NEB: variants seen among roughly 807,000 people sequenced by gnomAD.
NEB encodes nebulin, also known as nemaline myopathy type 2.
NEB carries 512 observed loss-of-function variants against 952.2 expected under a neutral mutation model. The observed-to-expected ratio is 0.54, with a 90% CI of 0.50 to 0.58. The LOEUF (loss-of-function observed/expected upper bound fraction) is 0.58, where lower values mean the gene tolerates loss of function less well. Among genes scored for constraint, NEB ranks in the 20% least tolerant of loss-of-function variants. The pLI is 0.00. For missense variants in NEB, 8,428 were observed against 9,231.1 expected, an observed-to-expected ratio of 0.91 and a Z score of 3.56; for synonymous variants, 2,900 against 3,149.8, an observed-to-expected ratio of 0.92 and a Z score of 2.66.
At chr2:151,540,164 T>C (rs2093843381) in intron 138 of NEB, among the ~76,000 whole-genome samples, 180 bp downstream of exon 138, 1 of 152,166 alleles carries the variant, frequency 6.6e-6, no homozygotes. Context: ...CTGGTATCTC[T>C]CAGCTATTTT....
chr2:151,671,463 T>TA (rs760103247), intron 37 of NEB: 18 of 449,256 alleles, frequency 4.0e-5, no homozygotes, highest in South Asian at 9.8e-5. Context: ...TGGGTACTGC[T>TA]AAAAAAAATT....
At chr2:151,490,120 T>C (rs2055026820) in intron 180 of NEB, 43 bp from the exon 181 acceptor site, 50 of 1,447,240 alleles carry the variant, frequency 3.5e-5, no homozygotes, top group Non-Finnish European at 4.6e-5. Flanking sequence ...GAAAAATGGC[T>C]AGGTATCCTT....
intron 20 of NEB, among the ~76,000 whole-genome samples, chr2:151,693,070 G>A (rs887356817): frequency 1.3e-5 from 2 of 152,190 alleles, no homozygotes; most frequent in Admixed American, 1.3e-4. Context: ...TCCTGGAAGA[G>A]TATTCTGTTG....
Position 151,514,933 on chromosome 2 carries a change from T to TGTAA in NEB, c.22906-9_22906-6dup. The TGTAA allele has an allele frequency of 6.5e-7, 1 of 1,527,330 alleles. No homozygotes were observed. Among genetic ancestry groups the TGTAA allele is most frequent in the Admixed American group, 1.9e-5 (1 of 51,718 alleles). The allele number at this position is 1,527,330 out of a possible 1,614,324, so 94.6% of individuals were successfully genotyped here. ...ATAATCTTTCCTATATTCTTTCTAA[T>TGTAA]GTAAGTAGGAAGGAAAGACAAGTTA... On this transcript the variant is annotated splice_region_variant and splice_polypyrimidine_tract_variant and intron_variant, in intron 157 of 181. Coordinates refer to ENST00000397345, the MANE Select transcript of NEB (RefSeq NM_001164508.2).
chr2:151,609,717 C>T (rs941675479), intron 81 of NEB, 92 bp downstream of exon 81: 7 of 1,278,422 alleles, frequency 5.5e-6, no homozygotes, highest in South Asian at 1.7e-5. Flanking sequence ...GTGCAGTGCA[C>T]AGCCCAGGGG....
intron 142 of NEB, among the ~76,000 whole-genome samples, chr2:151,534,617 C>T (rs1022079750): frequency 9.2e-5 from 14 of 152,114 alleles, no homozygotes; most frequent in African/African-American, 2.7e-4. Flanking sequence ...TGGCATCTAA[C>T]GGTATATTTA....
chr2:151,669,231 T>C (rs1210191593), intron 38 of NEB, 100 bp from the exon 39 acceptor site: 16 of 854,804 alleles, frequency 1.9e-5, no homozygotes, highest in South Asian at 9.4e-5. Context: ...CATTTGTGTT[T>C]TCCATTTACG....
chr2:151,486,096 T>TA (rs1422858171), intron 181 of NEB, among the ~76,000 whole-genome samples, 163 bp from the exon 182 acceptor site: 2 of 152,086 alleles, frequency 1.3e-5, no homozygotes, highest in African/African-American at 4.8e-5. Flanking sequence ...AAATAGGAAA[T>TA]ACTTGCAAGT....
intron 12 of NEB, 81 bp downstream of exon 12, chr2:151,709,575 C>T (rs1391245845): frequency 1.1e-5 from 12 of 1,086,236 alleles, no homozygotes; most frequent in East Asian, 7.9e-5. Context: ...CCCTTTTTTA[C>T]TAATTATATA....
chr2:151,562,894 T>C, intron 119 of NEB, 86 bp from the exon 120 acceptor site: 2 of 831,216 alleles, frequency 2.4e-6, no homozygotes, highest in Non-Finnish European at 3.8e-6. Context: ...ATTTCCCATA[T>C]AGATCAGTAT....
chr2:151,606,680 G>A lies in NEB; in HGVS notation c.12673C>T (p.Gln4225Ter). The change falls in exon 84 of 182, where the codon CAG (glutamine) becomes TAG (stop). Residue 4225 changes from glutamine (Q) to a stop codon, truncating the protein, a stop_gained. Coordinates refer to ENST00000397345, the MANE Select transcript of NEB (RefSeq NM_001164508.2). LOFTEE classifies it high-confidence loss of function. ...LYQKDWNDAK[Q>*]KGYDIRADAI... Reference sequence around the variant, plus strand: ...TCTGCCCTTATGTCATAGCCTTTCTGCTTGGCGTCATTCCAGTCTTTTTGG... The same window carrying A: ...TCTGCCCTTATGTCATAGCCTTTCTACTTGGCGTCATTCCAGTCTTTTTGG... 1 of 947,766 alleles carries A rather than the reference G, an allele frequency of 1.1e-6. No homozygotes were observed. Among genetic ancestry groups the A allele is most frequent in the African/African-American group, 1.5e-5 (1 of 67,630 alleles). The allele number at this position is 947,766 out of a possible 1,614,324, so 58.7% of individuals were successfully genotyped here.
intron 166 of NEB, 52 bp downstream of exon 166, chr2:151,503,297 G>T (rs759091588): frequency 5.6e-5 from 73 of 1,313,948 alleles, no homozygotes; most frequent in Non-Finnish European, 7.2e-5. Flanking sequence ...ATGGGTTATT[G>T]TGGTAAATTT....
rs567875243 is a variant in NEB at position 151,687,137 on chromosome 2, G to A, written c.2637+282C>T. On this transcript the variant is annotated intron_variant, in intron 27 of 181. Transcript: ENST00000397345. ...AGAAAATATGAAAATATCTAGTGATGTTTTCCAAAAGGTTTTAAGAATACA... is the reference window on the plus strand; with the variant it reads ...AGAAAATATGAAAATATCTAGTGATATTTTCCAAAAGGTTTTAAGAATACA... 2.0e-5 allele frequency among the ~76,000 whole-genome samples: 3 copies of A among 152,222 alleles called. No individual in the cohort carries two copies. The East Asian group carries it at 5.8e-4, about 29-fold the overall frequency.
chr2:151,514,472 G>T, intron 158 of NEB, 44 bp from the exon 159 acceptor site: 4 of 1,394,618 alleles, frequency 2.9e-6, no homozygotes, highest in Non-Finnish European at 4.1e-6. Flanking sequence ...AGAAAGCCCA[G>T]ATTGATTCTC....
intron 73 of NEB, 91 bp downstream of exon 73, chr2:151,619,356 TACAA>T (rs1029824583): frequency 7.8e-7 from 1 of 1,274,734 alleles, no homozygotes; most frequent in African/African-American, 1.5e-5. Flanking sequence ...GTTTGAAATA[TACAA>T]ACAAATTGCA....
chr2:151,727,981 T>C, intron 4 of NEB, 75 bp from the exon 5 acceptor site: 1 of 1,166,914 alleles, frequency 8.6e-7, no homozygotes, highest in South Asian at 1.4e-5. Flanking sequence ...TATATATTAG[T>C]CTAACTTCAA....
At chr2:151,534,455 A>C in intron 142 of NEB, 1 of 701,662 alleles carries the variant, frequency 1.4e-6, no homozygotes, top group South Asian at 1.8e-5. Context: ...AGACAATAAA[A>C]ACAGGGAAGC....
chr2:151,637,385 C>T (rs1410722247), intron 63 of NEB, among the ~76,000 whole-genome samples: 1 of 152,086 alleles, frequency 6.6e-6, no homozygotes, highest in East Asian at 1.9e-4. Context: ...GGGTGAGGCC[C>T]CAGGGAGGAG....
chr2:151,679,672 A>ACC, intron 32 of NEB, 49 bp downstream of exon 32: 2 of 335,284 alleles, frequency 6.0e-6, no homozygotes, highest in South Asian at 2.5e-5. Flanking sequence ...CCCCAAGCCC[A>ACC]CCCACCCACA....
Sources: allele counts gnomAD v4.1 joint callset (sites outside exome capture counted in the v4.1 genomes callset), GRCh38; gene constraint gnomAD v4.1.1; transcripts MANE v1.5; gene names NCBI Gene and HGNC (gene_info 2026-07-23, HGNC 2026-07-21).